Variants in GPSM1 observed in about 807,000 individuals in gnomAD.
GPSM1 encodes G protein-signaling modulator 1.
Under a neutral mutation model 70.5 loss-of-function variants are expected in GPSM1, and 48 were observed. The observed-to-expected ratio is 0.68, with a 90% confidence interval of 0.54 to 0.87. The LOEUF (loss-of-function observed/expected upper bound fraction) is 0.87, where lower values mean the gene tolerates loss of function less well. Ranked by LOEUF, GPSM1 falls within the 40% of genes least tolerant of loss-of-function variation. The pLI is 0.00. For missense variants in GPSM1, 981 were observed against 972.6 expected, an observed-to-expected ratio of 1.01 and a Z score of -0.11; for synonymous variants, 416 against 430.1, an observed-to-expected ratio of 0.97 and a Z score of 0.41.
chr9:136,346,174 G>T (rs1461565431), intron 9 of GPSM1, among the ~76,000 whole-genome samples: 2 of 152,222 alleles, frequency 1.3e-5, no homozygotes, highest in East Asian at 3.8e-4. Context: ...GAGAGCAGGA[G>T]CTTAGGGTGT....
chr9:136,327,747 A>G lies in GPSM1; in HGVS notation c.52A>G (p.Arg18Gly). 9 of 1,186,582 alleles carry G rather than the reference A, an allele frequency of 7.6e-6. No individual in the cohort carries two copies. Among genetic ancestry groups the G allele is most frequent in the Non-Finnish European group, 9.4e-6 (9 of 958,872 alleles). The allele number at this position is 1,186,582 out of a possible 1,614,324, so 73.5% of individuals were successfully genotyped here. A position where few individuals can be genotyped will look rare whatever the true frequency, so the allele number is the denominator to read the frequency against. ...CGACGAGCTCCCGGGCCCGGCCGCC[A>G]GGCGCCTCTACTCCAGGTAGGACGG... Reference protein sequence around the residue: ...AADELPGPAARRLYSRMEASC... With the variant: ...AADELPGPAAGRLYSRMEASC... Residue 18 changes from arginine (R) to glycine (G), a missense_variant, in exon 1 of 14, where the codon AGG becomes GGG. Coordinates refer to ENST00000440944, the MANE Select transcript of GPSM1 (RefSeq NM_001145638.3).
chr9:136,341,363 C>T lies in GPSM1; in HGVS notation c.1207+370C>T, dbSNP rs1554770272. On this transcript the variant is annotated intron_variant, in intron 9 of 13. Transcript: ENST00000440944. The surrounding 1 kb of genome is among the most constrained non-coding windows in gnomAD (Gnocchi z 6.7). ...TGCTGGGAGGCGAGAGGGCATCAGC[C>T]AGAGGGCTGGGCTGGGCTGGGCTGG... 5 of 1,412,886 alleles carry T rather than the reference C, an allele frequency of 3.5e-6. No individual in the cohort carries two copies. Among genetic ancestry groups the T allele is most frequent in the East Asian group, 2.5e-5 (1 of 39,286 alleles). 87.5% of individuals were successfully genotyped at this position (1,412,886 alleles called of 1,614,324 possible).
intron 13 of GPSM1, among the ~76,000 whole-genome samples, chr9:136,357,567 C>T (rs1554773418): frequency 6.6e-6 from 1 of 152,252 alleles, no homozygotes; most frequent in Non-Finnish European, 1.5e-5. Flanking sequence ...GGGGGCGCCA[C>T]ACTTCGGGCT....
chr9:136,334,722 T>C (rs1832189233), intron 2 of GPSM1, 54 bp downstream of exon 2: 2 of 1,448,918 alleles, frequency 1.4e-6, no homozygotes, highest in Admixed American at 1.7e-5. Flanking sequence ...GCTGGCGCGG[T>C]GAGTGGGGAC....
chr9:136,334,763 T>G (rs1486363725), intron 2 of GPSM1, 95 bp downstream of exon 2: 29 of 1,011,532 alleles, frequency 2.9e-5, no homozygotes, highest in Non-Finnish European at 4.2e-5. Flanking sequence ...GGGGCGGCCC[T>G]GCTGGCGCGG....
At chr9:136,356,316 A>C in intron 12 of GPSM1, 26 bp from the exon 13 acceptor site, 1 of 1,510,298 alleles carries the variant, frequency 6.6e-7, no homozygotes, top group African/African-American at 1.4e-5. Flanking sequence ...ACTGGGTCCC[A>C]GGTCTCACCC....
At position 136,336,020 on chromosome 9, in the gene GPSM1, A is replaced by T. The variant is rs1832225025; in HGVS notation, c.345A>T (p.Thr115=). The T allele has an allele frequency of 6.2e-7, 1 of 1,612,380 alleles. No homozygotes were observed. The highest frequency in any genetic ancestry group is 8.5e-7 in the Non-Finnish European group (1 of 1,179,868). The stretch of plus-strand genomic sequence containing the variant: ...AGGCCAGTGGAAACCTGGGAAACAC[A>T]CTCAAGGTCCTGGGGCGCTTCGACG... The part of the protein sequence containing the change: ...EAKASGNLGN[T]LKVLGRFDEA... The change falls in exon 3 of 14, where the codon ACA becomes ACT. Residue 115 remains threonine, a synonymous_variant. Transcript: ENST00000440944.
intron 13 of GPSM1, among the ~76,000 whole-genome samples, chr9:136,357,708 G>T (rs1048404421): frequency 6.6e-6 from 1 of 152,204 alleles, no homozygotes; most frequent in African/African-American, 2.4e-5. Context: ...ATCCAACGCC[G>T]CCCTAGCCAC....
rs561315807 is a variant in GPSM1, at chr9:136,350,865, C to T, written c.1455+1102C>T. Reference sequence around the variant, plus strand: ...ACTGCCAAGTGTATGGGTGGACGGACGGGGGACAGACAGACTGGTGGTCAG... The same window carrying T: ...ACTGCCAAGTGTATGGGTGGACGGATGGGGGACAGACAGACTGGTGGTCAG... On this transcript the variant is annotated intron_variant, in intron 11 of 13. Transcript: ENST00000440944. Among the ~76,000 whole-genome samples the T allele has an allele frequency of 3.4e-4, 52 of 152,012 alleles. 1 individual carries two copies. The highest frequency in any genetic ancestry group is 1.1e-3 in the African/African-American group (46 of 41,448).
intron 2 of GPSM1, among the ~76,000 whole-genome samples, chr9:136,335,369 A>G (rs1832207574): frequency 6.6e-6 from 1 of 152,050 alleles, no homozygotes; most frequent in South Asian, 2.1e-4. Context: ...TGGGGTCTCC[A>G]GTCGGGTCCA....
chr9:136,347,874 G>A (rs1429740415), intron 9 of GPSM1, among the ~76,000 whole-genome samples: 1 of 152,220 alleles, frequency 6.6e-6, no homozygotes, highest in Non-Finnish European at 1.5e-5. Flanking sequence ...CCGCAGGGCT[G>A]AGCGACACCC....
At chr9:136,339,417 C>T (rs1588695513) in intron 7 of GPSM1, among the ~76,000 whole-genome samples, 2 of 152,236 alleles carry the variant, frequency 1.3e-5, no homozygotes, top group South Asian at 2.1e-4. Context: ...AGAAACTGCC[C>T]GCAAAGGCAG....
Position 136,340,078 on chromosome 9 carries a change from C to T in GPSM1, c.1083+263C>T, listed in dbSNP as rs1245695181. On this transcript the variant is annotated intron_variant, in intron 8 of 13. Transcript: ENST00000440944. This position sits in a 1 kb window ranked among gnomAD's most constrained non-coding sequence, Gnocchi z 7.3. ...AGTTTGCACAGGGTCTCTGTGGGCT[C>T]CGCCCATCAGCGCCCTCCTACTGTG... is the stretch of plus-strand genomic sequence containing the variant. 6.6e-5 allele frequency among the ~76,000 whole-genome samples: 10 copies of T among 151,334 alleles called. No homozygotes were observed. The highest frequency in any genetic ancestry group is 1.2e-4 in the Non-Finnish European group (8 of 67,938).
intron 9 of GPSM1, among the ~76,000 whole-genome samples, chr9:136,345,696 T>C (rs1412576196): frequency 4.6e-5 from 7 of 152,134 alleles, no homozygotes; most frequent in Admixed American, 3.9e-4. Flanking sequence ...CCTCAGGCAG[T>C]GCACACCGGG....
chr9:136,355,981 G>C (rs1009003717), intron 12 of GPSM1, 135 bp downstream of exon 12: 2 of 716,086 alleles, frequency 2.8e-6, no homozygotes, highest in Admixed American at 5.8e-5. Context: ...TGTCACTGAG[G>C]GCGCCCTCCG....
intron 9 of GPSM1, among the ~76,000 whole-genome samples, chr9:136,345,905 C>G (rs936182218): frequency 2.6e-5 from 4 of 152,198 alleles, no homozygotes; most frequent in Admixed American, 1.3e-4. Flanking sequence ...GACCCCAGCC[C>G]CGTTCTGTCC....
intron 1 of GPSM1, among the ~76,000 whole-genome samples, chr9:136,330,827 C>T (rs1040291144): frequency 1.3e-5 from 2 of 152,128 alleles, no homozygotes; most frequent in African/African-American, 4.8e-5. Flanking sequence ...CCAGCCACCA[C>T]GGAGGGTCTG....
chr9:136,343,213 C>A lies in GPSM1; in HGVS notation c.1207+2220C>A, dbSNP rs1348712339. On this transcript the variant is annotated intron_variant, in intron 9 of 13. Transcript: ENST00000440944. The surrounding 1 kb of genome is among the most constrained non-coding windows in gnomAD (Gnocchi z 6.0). Reference sequence around the variant, plus strand: ...CAGCAACCAGCCCCCACCTCCCTGGCCAGAGGGCACAGGCCCGGGCCTCCC... The same window carrying A: ...CAGCAACCAGCCCCCACCTCCCTGGACAGAGGGCACAGGCCCGGGCCTCCC... 2.0e-5 allele frequency among the ~76,000 whole-genome samples: 3 copies of A among 152,146 alleles called. No homozygotes were observed. Among genetic ancestry groups the A allele is most frequent in the East Asian group, 1.9e-4 (1 of 5,180 alleles).
In GPSM1 at chr9:136,336,104, G is replaced by C. The variant is rs782612401; in HGVS notation, c.426+3G>C. ...TCGCCCAAGAGCAGGGAGACAAGGT[G>C]GGGGCTTGGTCCGGGGCTGGGTGTC... On this transcript the variant is annotated splice_donor_region_variant and intron_variant, in intron 3 of 13. Coordinates refer to ENST00000440944, the MANE Select transcript of GPSM1 (RefSeq NM_001145638.3). 1 of 1,609,960 alleles carries C rather than the reference G, an allele frequency of 6.2e-7. No homozygotes were observed. The highest frequency in any genetic ancestry group is 1.1e-5 in the South Asian group (1 of 90,960).
Sources: allele counts gnomAD v4.1 joint callset (sites outside exome capture counted in the v4.1 genomes callset), GRCh38; gene constraint gnomAD v4.1.1; non-coding constraint Gnocchi (gnomAD v3.1); transcripts MANE v1.5; gene names NCBI Gene and HGNC (gene_info 2026-07-23, HGNC 2026-07-21).